Variants in MAPK6 observed in about 807,000 individuals in gnomAD.
MAPK6 encodes ERK-3.
MAPK6 carries 19 observed loss-of-function variants against 59.3 expected under a neutral mutation model. That is an observed-to-expected ratio of 0.32 (90% confidence interval 0.22 to 0.47). MAPK6 has a LOEUF of 0.47. MAPK6 is among the 20% of genes least tolerant of loss of function. The pLI, the probability that MAPK6 is intolerant of heterozygous loss-of-function variation, is 1.00. For missense variants in MAPK6, 724 were observed against 847.9 expected (o/e 0.85, Z 1.81); for synonymous variants, 316 against 290.3 (o/e 1.09, Z -0.90).
At chr15:52,037,539 C>T (rs1165450822) in intron 1 of MAPK6, among the ~76,000 whole-genome samples, 1 of 152,176 alleles carries the variant, frequency 6.6e-6, no homozygotes, top group Non-Finnish European at 1.5e-5. Flanking sequence ...TTCAGTGGCA[C>T]AGTCCCTCCC....
chr15:51,980,315 A>AT (rs2057169481), intron 1 of MAPK6, among the ~76,000 whole-genome samples: 1 of 151,066 alleles, frequency 6.6e-6, no homozygotes, highest in African/African-American at 2.4e-5. Flanking sequence ...AGAAAAAAAA[A>AT]TGTGGATACC....
At chr15:52,026,877 C>T (rs576789259) in intron 1 of MAPK6, among the ~76,000 whole-genome samples, 20 of 149,662 alleles carry the variant, frequency 1.3e-4, no homozygotes, top group Non-Finnish European at 2.2e-4. Context: ...TGATGAAAAC[C>T]CGTCTTTACT....
intron 1 of MAPK6, among the ~76,000 whole-genome samples, chr15:51,981,594 AC>A (rs1226434955): frequency 6.6e-6 from 1 of 152,220 alleles, no homozygotes; most frequent in Non-Finnish European, 1.5e-5. Flanking sequence ...TCCTTTTGGA[AC>A]CTTTTAAATA....
intron 1 of MAPK6, among the ~76,000 whole-genome samples, chr15:52,039,240 C>A (rs549988077): frequency 3.2e-4 from 48 of 152,288 alleles, no homozygotes; most frequent in African/African-American, 1.1e-3. Flanking sequence ...AGGTGATCCA[C>A]CCGCCTTGGC....
In MAPK6 at chr15:52,050,044, T is replaced by G. The variant is rs2031726893; in HGVS notation, c.607T>G (p.Leu203Val). ...VTKWYRSPRL[L>V]LSPNNYTKAI... ...TAAATGGTACAGATCTCCACGTCTTTTACTTTCTCCTAATAATTATACTAA... is the reference window on the plus strand; with the variant it reads ...TAAATGGTACAGATCTCCACGTCTTGTACTTTCTCCTAATAATTATACTAA... Residue 203 changes from leucine (L) to valine (V), a missense_variant, in exon 3 of 6, where the codon TTA becomes GTA. Leu to Val is a conservative substitution (Grantham distance 32). Transcript: ENST00000261845. The G allele has an allele frequency of 6.2e-7, 1 of 1,612,582 alleles. No homozygotes were observed. The highest frequency in any genetic ancestry group is 1.3e-5 in the African/African-American group (1 of 74,868).
chr15:51,998,708 T>TTTTTTTTTTTTTTTTTTGTTTTTG (rs71130113), intron 2 of MAPK6, among the ~76,000 whole-genome samples: 1 of 122,492 alleles, frequency 8.2e-6, no homozygotes, highest in Admixed American at 8.9e-5. Context: ...TTTTTTTTTT[T>TTTTTTTTTTTTTTTTTTGTTTTTG]GAGACGGAGT....
chr15:52,014,210 A>C (rs1200775028), upstream of MAPK6, among the ~76,000 whole-genome samples: 2 of 152,140 alleles, frequency 1.3e-5, no homozygotes, highest in African/African-American at 4.8e-5. Context: ...CTGCTCAGGA[A>C]GCACTCATCT....
At chr15:52,024,880 T>G (rs2030700256) in intron 1 of MAPK6, among the ~76,000 whole-genome samples, 2 of 136,966 alleles carry the variant, frequency 1.5e-5, no homozygotes, top group African/African-American at 6.0e-5. Flanking sequence ...TACACTGCCT[T>G]TTTTTTTTTT....
chr15:51,972,946 C>A (rs940710483), intron 1 of MAPK6, among the ~76,000 whole-genome samples: 2 of 151,774 alleles, frequency 1.3e-5, no homozygotes, highest in African/African-American at 2.4e-5. Flanking sequence ...GAGTTGGAGG[C>A]TGCAGTGAGC....
At chr15:52,028,248 G>A (rs534048355) in intron 1 of MAPK6, among the ~76,000 whole-genome samples, 4 of 151,848 alleles carry the variant, frequency 2.6e-5, no homozygotes, top group Non-Finnish European at 4.4e-5. Flanking sequence ...CACCGCGCCC[G>A]GCAATTTTTG....
chr15:52,001,952 C>A (rs2057243363), intron 2 of MAPK6, among the ~76,000 whole-genome samples: 1 of 152,198 alleles, frequency 6.6e-6, no homozygotes, highest in Non-Finnish European at 1.5e-5. Context: ...CCAACCAGAA[C>A]CCTGACCTAA....
intron 1 of MAPK6, among the ~76,000 whole-genome samples, chr15:51,979,250 A>C (rs979967859): frequency 6.6e-6 from 1 of 151,438 alleles, no homozygotes; most frequent in Non-Finnish European, 1.5e-5. Flanking sequence ...AAGGAAGGAA[A>C]GAAAGAGAAA....
rs1259350286 is a variant in MAPK6, at chr15:52,045,837, C to G, written c.-624C>G. Reference sequence around the variant, plus strand: ...TTTTTCTCATCCCCCCAGGTTGTATCAGAGTAAGATGGACGGTAGCTTTGA... The same window carrying G: ...TTTTTCTCATCCCCCCAGGTTGTATGAGAGTAAGATGGACGGTAGCTTTGA... On this transcript the variant is annotated 5_prime_UTR_variant, in exon 2 of 6. It adds an upstream start codon to the 5' untranslated region. Transcript: ENST00000261845. 1.3e-5 allele frequency: 2 copies of G among 152,648 alleles called. No homozygotes were observed. Among genetic ancestry groups the G allele is most frequent in the African/African-American group, 4.8e-5 (2 of 41,454 alleles). 9.5% of individuals were successfully genotyped at this position (152,648 alleles called of 1,614,324 possible). A position where few individuals can be genotyped will look rare whatever the true frequency, so the allele number is the denominator to read the frequency against.
chr15:52,025,610 A>G (rs1358151870), intron 1 of MAPK6, among the ~76,000 whole-genome samples: 4 of 152,014 alleles, frequency 2.6e-5, no homozygotes, highest in African/African-American at 9.7e-5. Flanking sequence ...AGACCATCCT[A>G]GCTAACATGG....
intron 3 of MAPK6, chr15:52,056,951 C>G (rs1245437199): frequency 6.6e-6 from 1 of 152,182 alleles, no homozygotes; most frequent in Non-Finnish European, 1.5e-5. Flanking sequence ...ACAAAGTTAA[C>G]CTACCCAGAA....
At position 52,065,552 on chromosome 15, in the gene MAPK6, T is replaced by C. The variant is rs2032383504; in HGVS notation, c.*552T>C. On this transcript the variant is annotated 3_prime_UTR_variant, in exon 6 of 6. Transcript: ENST00000261845. ...ACCCATAGTGCTTCACAAAATGCAC[T>C]TCTATTTAGCCAGCGTTTATTGTAG... The C allele has an allele frequency of 6.6e-6, 1 of 152,650 alleles. No individual in the cohort carries two copies. Among genetic ancestry groups the C allele is most frequent in the South Asian group, 2.1e-4 (1 of 4,832 alleles). The allele number at this position is 152,650 out of a possible 1,614,324, so 9.5% of individuals were successfully genotyped here. A position where few individuals can be genotyped will look rare whatever the true frequency, so the allele number is the denominator to read the frequency against.
rs547433655 is a variant in MAPK6 at position 52,027,487 on chromosome 15, A to C, written c.-632+8111A>C. Among the ~76,000 whole-genome samples the C allele has an allele frequency of 4.0e-5, 6 of 151,434 alleles. No homozygotes were observed. In the East Asian group the frequency reaches 1.2e-3, roughly 29 times the overall value. On this transcript the variant is annotated intron_variant, in intron 1 of 5. Coordinates refer to ENST00000261845, the MANE Select transcript of MAPK6 (RefSeq NM_002748.4). ...TATGCTTAAGATTCCAATCAGGCTT[A>C]ATACATATTCTGAGTCTTCATCTCT... is the stretch of plus-strand genomic sequence containing the variant.
At chr15:51,975,521 C>T (rs894787291) in intron 1 of MAPK6, among the ~76,000 whole-genome samples, 1 of 150,718 alleles carries the variant, frequency 6.6e-6, no homozygotes, top group African/African-American at 2.4e-5. Context: ...AGCCTGGAGA[C>T]AGAGCAAGAC....
chr15:52,030,523 T>C (rs2030986553), intron 1 of MAPK6, among the ~76,000 whole-genome samples: 1 of 151,840 alleles, frequency 6.6e-6, no homozygotes, highest in African/African-American at 2.4e-5. Flanking sequence ...TGCAGAAACT[T>C]AAATGGGGCC....
Sources: allele counts gnomAD v4.1 joint callset (sites outside exome capture counted in the v4.1 genomes callset), GRCh38; gene constraint gnomAD v4.1.1; transcripts MANE v1.5; gene names NCBI Gene and HGNC (gene_info 2026-07-23, HGNC 2026-07-21).